The following KATNIP variants were observed in gnomAD, a reference collection of about 807,000 sequenced individuals.
KATNIP encodes the protein katanin interacting protein.
In KATNIP, 126 loss-of-function variants were observed where a neutral mutation model predicts 174.0. The ratio of observed to expected loss-of-function variants is 0.72; its 90% confidence interval spans 0.63 to 0.84. KATNIP has a LOEUF of 0.84. KATNIP is among the 40% of genes least tolerant of loss of function. The pLI is 0.00. For missense variants in KATNIP, 1,958 were observed against 2,109.7 expected, an observed-to-expected ratio of 0.93 and a Z score of 1.41; for synonymous variants, 810 against 835.7, an observed-to-expected ratio of 0.97 and a Z score of 0.53.
At chr16:27,713,779 ATAT>A (rs1411658345) in intron 13 of KATNIP, among the ~76,000 whole-genome samples, 5 of 125,686 alleles carry the variant, frequency 4.0e-5, no homozygotes, top group South Asian at 2.5e-4. Context: ...ATATATACAC[ATAT>A]TATATATGTG....
intron 12 of KATNIP, among the ~76,000 whole-genome samples, chr16:27,705,295 G>A (rs1022649413): frequency 6.6e-6 from 1 of 152,098 alleles, no homozygotes; most frequent in African/African-American, 2.4e-5. Context: ...AGTATTATTT[G>A]GTATGGTGGT....
chr16:27,592,321 T>C (rs2075202046), intron 2 of KATNIP, among the ~76,000 whole-genome samples: 1 of 134,454 alleles, frequency 7.4e-6, no homozygotes, highest in Admixed American at 8.0e-5. Flanking sequence ...TTTACTCTTG[T>C]TGCCCAGGCT....
chr16:27,777,088 C>A lies in KATNIP; in HGVS notation c.4551+59C>A. ...TTATGCTCGTTGGTAATTAGGCCGC[C>A]GGCAATTATCATTTGTCGCAGTTTG... On this transcript the variant is annotated intron_variant, in intron 25 of 27. Coordinates refer to ENST00000261588, the MANE Select transcript of KATNIP (RefSeq NM_015202.5). The surrounding 1 kb of genome is among the most constrained non-coding windows in gnomAD (Gnocchi z 4.4). The A allele has an allele frequency of 9.4e-7, 1 of 1,059,304 alleles. No individual in the cohort carries two copies. Among genetic ancestry groups the A allele is most frequent in the South Asian group, 1.3e-5 (1 of 78,108 alleles). 65.6% of individuals were successfully genotyped at this position (1,059,304 alleles called of 1,614,324 possible).
chr16:27,679,194 C>G, intron 7 of KATNIP: 1 of 152,242 alleles, frequency 6.6e-6, no homozygotes, highest in Non-Finnish European at 1.5e-5. Flanking sequence ...TTTACTCTCT[C>G]ATAGTTCTGG....
chr16:27,746,001 G>A (rs1254429863), intron 15 of KATNIP, among the ~76,000 whole-genome samples: 1 of 118,890 alleles, frequency 8.4e-6, no homozygotes, highest in Non-Finnish European at 1.6e-5. Flanking sequence ...GTCTTGCTAT[G>A]TCACCCAGGC....
At position 27,699,572 on chromosome 16, in the gene KATNIP, G is replaced by T; in HGVS notation, c.1152G>T (p.Leu384=). ...CACCAGCAAAACCATGGACCAGTCT[G>T]CTGGAGGAGAAGGAAGAGACCCTTG... ...EGPPAKPWTS[L]LEEKEETLEL... The change falls in exon 10 of 28, where the codon CTG becomes CTT. Residue 384 remains leucine, a synonymous_variant. Transcript: ENST00000261588. 1 of 1,614,202 alleles carries T rather than the reference G, an allele frequency of 6.2e-7. No homozygotes were observed. Among genetic ancestry groups the T allele is most frequent in the African/African-American group, 1.3e-5 (1 of 75,072 alleles).
intron 14 of KATNIP, among the ~76,000 whole-genome samples, chr16:27,724,002 G>A (rs1355152710): frequency 1.3e-5 from 2 of 152,244 alleles, no homozygotes; most frequent in African/African-American, 2.4e-5. Context: ...AGCTTTCTCT[G>A]ATTTCTGATC....
At chr16:27,762,081 T>A (rs1235225904) in intron 19 of KATNIP, among the ~76,000 whole-genome samples, 1 of 152,014 alleles carries the variant, frequency 6.6e-6, no homozygotes, top group Admixed American at 6.6e-5. Flanking sequence ...TAAGCCAAGG[T>A]TGCGTCAAGT....
At chr16:27,660,262 C>T (rs1036078857) in intron 6 of KATNIP, among the ~76,000 whole-genome samples, 2 of 152,212 alleles carry the variant, frequency 1.3e-5, no homozygotes, top group African/African-American at 2.4e-5. Flanking sequence ...TTACAAAATC[C>T]GTGGATTGGC....
At position 27,763,441 on chromosome 16, in the gene KATNIP, T is replaced by TAA. The variant is rs35206356; in HGVS notation, c.3809+1876_3809+1877dup. On this transcript the variant is annotated intron_variant, in intron 19 of 27. Transcript: ENST00000261588. ...GGGCAACATAGTGAGATTGTGTCTC[T>TAA]AAAAAAAAAAAAAAAAAAAAAAAAA... Among the ~76,000 whole-genome samples the TAA allele has an allele frequency of 1.9e-3, 131 of 68,186 alleles. 6 individuals are homozygous for TAA. Among genetic ancestry groups the TAA allele is most frequent in the African/African-American group, 5.6e-3 (84 of 14,986 alleles). The allele number at this position is 68,186 out of a possible 152,430, so 44.7% of individuals were successfully genotyped here. A position where few individuals can be genotyped will look rare whatever the true frequency, so the allele number is the denominator to read the frequency against.
At chr16:27,743,149 G>A (rs2081169039) in intron 15 of KATNIP, among the ~76,000 whole-genome samples, 1 of 152,192 alleles carries the variant, frequency 6.6e-6, no homozygotes, top group African/African-American at 2.4e-5. Context: ...TGAGGATAAC[G>A]GCTTCTGCCT....
chr16:27,696,376 T>G (rs1165256397), intron 8 of KATNIP, among the ~76,000 whole-genome samples: 11 of 152,228 alleles, frequency 7.2e-5, no homozygotes, highest in Non-Finnish European at 8.8e-5. Context: ...GGAATACATG[T>G]GCAGGTTTGT....
intron 8 of KATNIP, among the ~76,000 whole-genome samples, chr16:27,683,917 A>C (rs2078434463): frequency 6.6e-6 from 1 of 152,154 alleles, no homozygotes; most frequent in Admixed American, 6.5e-5. Flanking sequence ...AAGTTCCTCC[A>C]AAACAAGTTG....
At chr16:27,554,344 T>G (rs1295316858) in intron 1 of KATNIP, among the ~76,000 whole-genome samples, 3 of 152,036 alleles carry the variant, frequency 2.0e-5, no homozygotes, top group African/African-American at 7.2e-5. Flanking sequence ...ATAACTGTGG[T>G]CCCAGCTACT....
At chr16:27,738,309 G>A (rs1262500970) in intron 14 of KATNIP, among the ~76,000 whole-genome samples, 5 of 152,152 alleles carry the variant, frequency 3.3e-5, no homozygotes, top group African/African-American at 9.7e-5. Context: ...CAAGGGGCAC[G>A]AGGAAACCTT....
chr16:27,600,611 C>T (rs112338492), intron 2 of KATNIP, among the ~76,000 whole-genome samples: 2 of 152,106 alleles, frequency 1.3e-5, no homozygotes, highest in African/African-American at 2.4e-5. Context: ...CCCCCATTCT[C>T]CTGGTGAGCT....
chr16:27,704,129 C>A (rs367554377), intron 12 of KATNIP, 131 bp downstream of exon 12: 64 of 686,798 alleles, frequency 9.3e-5, no homozygotes, highest in South Asian at 5.0e-4. Flanking sequence ...ACCGCCCCCC[C>A]CCTCCCTGGC....
intron 1 of KATNIP, among the ~76,000 whole-genome samples, chr16:27,569,930 T>C (rs907270543): frequency 4.6e-5 from 7 of 152,214 alleles, no homozygotes; most frequent in African/African-American, 1.2e-4. Flanking sequence ...TTTGTTTTTA[T>C]AGAGACAAGG....
intron 13 of KATNIP, among the ~76,000 whole-genome samples, chr16:27,720,835 A>T (rs577127459): frequency 5.4e-4 from 82 of 152,282 alleles, no homozygotes; most frequent in African/African-American, 1.9e-3. Flanking sequence ...CTGGAGAGTG[A>T]ATAGGTATTG....
Sources: gnomAD v4.1 joint callset for allele counts (sites outside exome capture counted in the v4.1 genomes callset) on GRCh38, gnomAD v4.1.1 for gene constraint, Gnocchi (gnomAD v3.1) non-coding constraint, MANE v1.5 for transcripts, NCBI Gene and HGNC (gene_info 2026-07-23, HGNC 2026-07-21) for gene names.